NCOR2: variants seen among roughly 807,000 people sequenced by gnomAD.
NCOR2 encodes the protein CTG repeat protein 26.
Under a neutral mutation model 262.9 loss-of-function variants are expected in NCOR2, and 81 were observed. The ratio of observed to expected loss-of-function variants is 0.31; its 90% CI spans 0.26 to 0.37. The LOEUF (loss-of-function observed/expected upper bound fraction) is 0.37. Ranked by LOEUF, NCOR2 falls within the 10% of genes least tolerant of loss-of-function variation. The pLI is 1.00. For synonymous variants in NCOR2, 1,659 were observed against 1,559.3 expected (o/e 1.06, Z -1.51); for missense variants, 3,385 against 3,621.4 (o/e 0.93, Z 1.68).
At chr12:124,338,246 G>A (rs1024067904) in intron 37 of NCOR2, among the ~76,000 whole-genome samples, 5 of 152,190 alleles carry the variant, frequency 3.3e-5, no homozygotes, top group Admixed American at 6.5e-5. Flanking sequence ...GGTGGCGCAC[G>A]CCTGTAATCC....
chr12:124,404,737 T>A, intron 13 of NCOR2, among the ~76,000 whole-genome samples: 1 of 152,046 alleles, frequency 6.6e-6, no homozygotes, highest in Non-Finnish European at 1.5e-5. Flanking sequence ...TCCCCACAGA[T>A]CCCCGAGAGC....
intron 2 of NCOR2, 180 bp downstream of exon 4, chr12:124,486,260 TC>T: frequency 1.1e-6 from 1 of 928,934 alleles, no homozygotes. Flanking sequence ...ACGTGGCTCT[TC>T]CCTGCTCGTC....
chr12:124,552,335 AAAG>A (rs1016957228), intron 1 of NCOR2, among the ~76,000 whole-genome samples: 1 of 151,912 alleles, frequency 6.6e-6, no homozygotes, highest in African/African-American at 2.4e-5. Flanking sequence ...AAAAACCACT[AAAG>A]AAGAGAAAAG....
exon 31 of NCOR2, chr12:124,346,642 C>T (rs1273550917): frequency 1.3e-6 from 2 of 1,594,842 alleles, no homozygotes; most frequent in African/African-American, 1.3e-5. Context: ...CGCGCGGGAT[C>T]TCATGGATGG....
rs2048924942 is a variant in NCOR2 at position 124,504,173 on chromosome 12, A to G, written c.-117-8805T>C. 6.6e-6 allele frequency among the ~76,000 whole-genome samples: 1 copy of G among 152,048 alleles called. No individual in the cohort carries two copies. On this transcript the variant is annotated intron_variant, in intron 1 of 46. Coordinates refer to the NCOR2 transcript ENST00000404621. The surrounding 1 kb of genome is among the most constrained non-coding windows in gnomAD (Gnocchi z 4.5). The stretch of plus-strand genomic sequence containing the variant: ...GGGTTCGAGGAGAAAGGCCGAGAGG[A>G]CTCCAGCCTGGGAATCCTCCTCCTT...
intron 31 of NCOR2, among the ~76,000 whole-genome samples, chr12:124,345,205 C>T (rs748651956): frequency 5.9e-5 from 9 of 152,296 alleles, no homozygotes; most frequent in Non-Finnish European, 1.3e-4. Flanking sequence ...AAAAGTTCAA[C>T]AGTCAACTCT....
At chr12:124,339,799 A>C in intron 37 of NCOR2, among the ~76,000 whole-genome samples, 1 of 114,600 alleles carries the variant, frequency 8.7e-6, no homozygotes, top group African/African-American at 3.5e-5. Flanking sequence ...CCACGCAGCT[A>C]ACCTAACTTC....
chr12:124,543,393 G>A (rs1346557013), intron 1 of NCOR2, among the ~76,000 whole-genome samples: 1 of 152,192 alleles, frequency 6.6e-6, no homozygotes, highest in African/African-American at 2.4e-5. Flanking sequence ...GCCAGGCCAC[G>A]TGCATCTCCA....
intron 43 of NCOR2, 53 bp downstream of exon 45, chr12:124,332,265 GC>G: frequency 1.2e-6 from 2 of 1,604,156 alleles, no homozygotes; most frequent in Non-Finnish European, 1.7e-6. Flanking sequence ...GCCCAGGCAG[GC>G]CACCCGCCCA....
intron 16 of NCOR2, chr12:124,388,879 AGG>A: frequency 6.8e-5 from 7 of 102,834 alleles, no homozygotes; most frequent in Non-Finnish European, 9.8e-5. Context: ...GGAGGGAGGG[AGG>A]GAGGGAGGGA....
exon 22 of NCOR2, chr12:124,362,131 T>C (rs764725873): frequency 1.5e-6 from 2 of 1,300,518 alleles, no homozygotes; most frequent in Non-Finnish European, 2.0e-6. Flanking sequence ...CTCACCCTCC[T>C]TGTCGGCGGG....
In NCOR2 at chr12:124,531,382, TAGC is replaced by T. The variant is rs1254563754; in HGVS notation, c.-118+4180_-118+4182del. Among the ~76,000 whole-genome samples the T allele has an allele frequency of 3.3e-5, 5 of 152,270 alleles. No individual in the cohort carries two copies. The highest frequency in any genetic ancestry group is 5.9e-5 in the Non-Finnish European group (4 of 68,010). On this transcript the variant is annotated intron_variant, in intron 1 of 46. Transcript: ENST00000404621. The surrounding 1 kb of genome is among the most constrained non-coding windows in gnomAD (Gnocchi z 4.5). ...AGGAGGGGCATCCCCCGGGCCCGAT[TAGC>T]GGGCGGCCGCAGGCAGACACGCTCA...
intron 11 of NCOR2, 81 bp downstream of exon 13, chr12:124,426,541 G>T: frequency 2.2e-6 from 3 of 1,356,934 alleles, no homozygotes; most frequent in Non-Finnish European, 3.0e-6. Context: ...CTCATTTGTG[G>T]TGGCTGCCGG....
At chr12:124,420,709 G>C (rs2043157090) in intron 12 of NCOR2, among the ~76,000 whole-genome samples, 1 of 152,262 alleles carries the variant, frequency 6.6e-6, no homozygotes, top group African/African-American at 2.4e-5. Flanking sequence ...GCCTCAGAAA[G>C]TGATGCCACG....
intron 22 of NCOR2, among the ~76,000 whole-genome samples, chr12:124,357,799 T>C (rs1176294396): frequency 6.6e-6 from 1 of 151,958 alleles, no homozygotes; most frequent in African/African-American, 2.4e-5. Context: ...GTGATGTGTG[T>C]GTGTGTGTGC....
At chr12:124,334,758 C>T in intron 40 of NCOR2, 141 bp from the exon 43 acceptor site, 1 of 573,016 alleles carries the variant, frequency 1.7e-6, no homozygotes, top group Non-Finnish European at 3.0e-6. Context: ...TGCCCGCCAC[C>T]CTCTGGGCCT....
intron 23 of NCOR2, among the ~76,000 whole-genome samples, chr12:124,356,220 G>C (rs556154864): frequency 1.3e-5 from 2 of 152,198 alleles, no homozygotes; most frequent in Non-Finnish European, 2.9e-5. Context: ...ACCAGCCCCC[G>C]GCTGTGCTGC....
At chr12:124,398,045 C>T in intron 16 of NCOR2, 74 bp downstream of exon 18, 1 of 1,567,448 alleles carries the variant, frequency 6.4e-7, no homozygotes, top group African/African-American at 1.4e-5. Flanking sequence ...TGTGTCAACA[C>T]CCTCCCCAGC....
At chr12:124,446,580 A>T (rs1593581037) in intron 7 of NCOR2, among the ~76,000 whole-genome samples, 1 of 152,076 alleles carries the variant, frequency 6.6e-6, no homozygotes, top group South Asian at 2.1e-4. Flanking sequence ...CCACACAGCC[A>T]GCTGCTGCTC....
Sources: gnomAD v4.1 joint callset for allele counts (sites outside exome capture counted in the v4.1 genomes callset) on GRCh38, gnomAD v4.1.1 for gene constraint, Gnocchi (gnomAD v3.1) non-coding constraint, MANE v1.5 for transcripts, NCBI Gene and HGNC (gene_info 2026-07-23, HGNC 2026-07-21) for gene names.